The following GCNT3 variants were observed in gnomAD, a reference collection of about 807,000 sequenced individuals.
GCNT3 encodes the protein beta-1,3-galactosyl-O-glycosyl-glycoprotein beta-1,6-N-acetylglucosaminyltransferase 3.
For missense variants in GCNT3, 708 were observed against 530.3 expected (o/e 1.34, Z -3.29); for synonymous variants, 269 against 195.2 (o/e 1.38, Z -3.15).
Position 59,621,586 on chromosome 15 carries a change from A to ATGTTTTTTTT in GCNT3, c.*2032_*2033insGTTTTTTTTT. 1 of 90,846 alleles carries ATGTTTTTTTT rather than the reference A, an allele frequency of 1.1e-5. No homozygotes were observed. Among genetic ancestry groups the ATGTTTTTTTT allele is most frequent in the Non-Finnish European group, 2.0e-5 (1 of 50,212 alleles). 5.6% of individuals were successfully genotyped at this position (90,846 alleles called of 1,614,324 possible). A position where few individuals can be genotyped will look rare whatever the true frequency, so the allele number is the denominator to read the frequency against. On this transcript the variant is annotated 3_prime_UTR_variant, in exon 3 of 3. Transcript: ENST00000396065. ...TCATTAATATGTTTCTTCCTTTCTG[A>ATGTTTTTTTT]TTTTTGTTTTTTTTTTTTTTTTTGA...
chr15:59,614,738 C>G (rs187565676), intron 1 of GCNT3, among the ~76,000 whole-genome samples: 259 of 152,248 alleles, frequency 1.7e-3, no homozygotes, highest in Middle Eastern at 6.8e-3. Flanking sequence ...TTGGGCCTAT[C>G]TCCTCTATCT....
rs1890923041 is a variant in GCNT3 at position 59,621,118 on chromosome 15, C to G, written c.*1563C>G. 6.6e-6 allele frequency: 1 copy of G among 151,592 alleles called. No individual in the cohort carries two copies. The highest frequency in any genetic ancestry group is 6.6e-5 in the Admixed American group (1 of 15,226). 9.4% of individuals were successfully genotyped at this position (151,592 alleles called of 1,614,324 possible). ...CAGGTTGGTCTCAAACTCCTGGCCT[C>G]AAGTGATCCACCTGCCCCAGCCTCC... On this transcript the variant is annotated 3_prime_UTR_variant, in exon 3 of 3. Transcript: ENST00000396065.
rs760266071 is a variant in GCNT3 at position 59,619,044 on chromosome 15, T to A, written c.806T>A (p.Phe269Tyr). The change falls in exon 3 of 3, where the codon TTT becomes TAT. Residue 269 changes from phenylalanine to tyrosine, a missense_variant. Coordinates refer to ENST00000396065, the MANE Select transcript of GCNT3 (RefSeq NM_004751.3). ...AAAGAAACCCGCTGGAAATATCACTTTGAGGTAGTGAGAGACACATTACAC... is the reference window on the plus strand; with the variant it reads ...AAAGAAACCCGCTGGAAATATCACTATGAGGTAGTGAGAGACACATTACAC... Reference protein sequence around the residue: ...KHKETRWKYHFEVVRDTLHLT... With the variant: ...KHKETRWKYHYEVVRDTLHLT... 1.6e-5 allele frequency: 26 copies of A among 1,614,036 alleles called. No homozygotes were observed. Among genetic ancestry groups the A allele is most frequent in the Non-Finnish European group, 2.1e-5 (25 of 1,179,974 alleles).
chr15:59,617,111 T>C (rs2082722822), intron 2 of GCNT3, among the ~76,000 whole-genome samples: 1 of 151,600 alleles, frequency 6.6e-6, no homozygotes, highest in African/African-American at 2.4e-5. Context: ...TTCTTTTTTT[T>C]CCATATTCAT....
chr15:59,614,555 A>AT (rs1374821463), intron 1 of GCNT3, among the ~76,000 whole-genome samples: 1 of 152,194 alleles, frequency 6.6e-6, no homozygotes, highest in Non-Finnish European at 1.5e-5. Context: ...TTTAGATCAA[A>AT]TAGGGTATCT....
At chr15:59,614,458 G>A (rs2082710690) in intron 1 of GCNT3, among the ~76,000 whole-genome samples, 1 of 151,406 alleles carries the variant, frequency 6.6e-6, no homozygotes, top group African/African-American at 2.5e-5. Flanking sequence ...AGACATAGCA[G>A]CCCTGAGGGG....
Position 59,619,213 on chromosome 15 carries a change from T to C in GCNT3, c.975T>C (p.Thr325=). The C allele has an allele frequency of 6.2e-7, 1 of 1,614,024 alleles. No individual in the cohort carries two copies. The highest frequency in any genetic ancestry group is 8.5e-7 in the Non-Finnish European group (1 of 1,179,968). The part of the protein sequence containing the change: ...SQQLIEWVKD[T]YSPDEHLWAT... Reference sequence around the variant, plus strand: ...AACTGATTGAATGGGTAAAAGACACTTATAGCCCAGATGAACACCTCTGGG... The same window carrying C: ...AACTGATTGAATGGGTAAAAGACACCTATAGCCCAGATGAACACCTCTGGG... Residue 325 remains threonine, a synonymous_variant, in exon 3 of 3, where the codon ACT becomes ACC. Transcript: ENST00000396065.
At chr15:59,616,446 G>A (rs2082720098) in intron 1 of GCNT3, 1 of 152,232 alleles carries the variant, frequency 6.6e-6, no homozygotes, top group South Asian at 2.1e-4. Context: ...AGGCTTTCAA[G>A]TTCTTGCGTG....
In GCNT3 at chr15:59,614,690, C is replaced by T. The variant is rs182890789; in HGVS notation, c.-250-2002C>T. Among the ~76,000 whole-genome samples, 106 of 152,320 alleles carry T rather than the reference C, an allele frequency of 7.0e-4. No homozygotes were observed. The Middle Eastern group carries it at 0.01, about 15-fold the overall frequency. On this transcript the variant is annotated intron_variant, in intron 1 of 2. Coordinates refer to ENST00000396065, the MANE Select transcript of GCNT3 (RefSeq NM_004751.3). ...TGGGTTTTAGCTGGCTTCTTTACTA[C>T]AATCTGTTTTATCAGCAAGATTGTT...
At chr15:59,614,280 A>T (rs2082709768) in intron 1 of GCNT3, among the ~76,000 whole-genome samples, 1 of 152,192 alleles carries the variant, frequency 6.6e-6, no homozygotes. Flanking sequence ...CAGCCTGTGG[A>T]GCAGGGCCCA....
In GCNT3 at chr15:59,619,370, C is replaced by A. The variant is rs756078977; in HGVS notation, c.1132C>A (p.Pro378Thr). Residue 378 changes from proline to threonine, a missense_variant, in exon 3 of 3, where the codon CCT (proline) becomes ACT (threonine). Physicochemically the swap from Pro to Thr is conservative, Grantham distance 38. Transcript: ENST00000396065. ...TGAGGGAGACATCGATAAGGGTGCT[C>A]CTTATGCTCCCTGCTCTGGAATCCA... ...GHEGDIDKGA[P>T]YAPCSGIHQR... 1 of 1,613,984 alleles carries A rather than the reference C, an allele frequency of 6.2e-7. No homozygotes were observed. The highest frequency in any genetic ancestry group is 2.2e-5 in the East Asian group (1 of 44,880).
In GCNT3 at chr15:59,618,282, C is replaced by T. The variant is rs753528767; in HGVS notation, c.44C>T (p.Ala15Val). The T allele has an allele frequency of 1.0e-5, 16 of 1,604,126 alleles. No individual in the cohort carries two copies. The highest frequency in any genetic ancestry group is 1.4e-5 in the Non-Finnish European group (16 of 1,175,262). The stretch of plus-strand genomic sequence containing the variant: ...CTCTGCCAGCTGCATTACTTGTGGG[C>T]TCTGGGCTGCTATATGCTGCTGGCC... The part of the protein sequence containing the change: ...KRLCQLHYLW[A>V]LGCYMLLATV... Residue 15 changes from alanine to valine, a missense_variant, in exon 3 of 3, where the codon GCT (alanine) becomes GTT (valine). Physicochemically the swap from Ala to Val is moderately conservative, Grantham distance 64. Transcript: ENST00000396065.
Position 59,618,297 on chromosome 15 carries a change from T to C in GCNT3, c.59T>C (p.Met20Thr). ...TACTTGTGGGCTCTGGGCTGCTATA[T>C]GCTGCTGGCCACTGTGGCTCTGAAA... ...LHYLWALGCY[M>T]LLATVALKLS... Residue 20 changes from methionine to threonine, a missense_variant, in exon 3 of 3, where the codon ATG becomes ACG. Physicochemically the swap from Met to Thr is moderately conservative, Grantham distance 81 (BLOSUM62 -1). Transcript: ENST00000396065. The C allele has an allele frequency of 6.2e-7, 1 of 1,612,270 alleles. No homozygotes were observed. The highest frequency in any genetic ancestry group is 8.5e-7 in the Non-Finnish European group (1 of 1,179,382).
chr15:59,618,259 C>A lies in GCNT3; in HGVS notation c.21C>A (p.Leu7=). The part of the protein sequence containing the change: MVQWKR[L]CQLHYLWALG... ...TGACGATGGTTCAATGGAAGAGACT[C>A]TGCCAGCTGCATTACTTGTGGGCTC... Residue 7 remains leucine, a synonymous_variant, in exon 3 of 3, where the codon CTC becomes CTA. Coordinates refer to ENST00000396065, the MANE Select transcript of GCNT3 (RefSeq NM_004751.3). 1 of 1,581,942 alleles carries A rather than the reference C, an allele frequency of 6.3e-7. No homozygotes were observed. The highest frequency in any genetic ancestry group is 8.6e-7 in the Non-Finnish European group (1 of 1,163,702).
rs373439386 is a variant in GCNT3 at position 59,617,170 on chromosome 15, C to CTTTTTTTTTTTTTTTTTTTTTTTTTTTT, written c.-61+292_-61+293insTTTTTTTTTTTTTTTTTTTTTTTTTTTT. 8.5e-5 allele frequency among the ~76,000 whole-genome samples: 7 copies of CTTTTTTTTTTTTTTTTTTTTTTTTTTTT among 82,392 alleles called. 2 individuals carry two copies. Among genetic ancestry groups the CTTTTTTTTTTTTTTTTTTTTTTTTTTTT allele is most frequent in the African/African-American group, 2.3e-4 (5 of 21,620 alleles). 54.1% of individuals were successfully genotyped at this position (82,392 alleles called of 152,430 possible). ...TTTTTCTTTATTTTTCTTTTGTTTT[C>CTTTTTTTTTTTTTTTTTTTTTTTTTTTT]TTTCTTTCTTTTTTTTTTTTTAAAG... is the stretch of plus-strand genomic sequence containing the variant. On this transcript the variant is annotated intron_variant, in intron 2 of 2. Transcript: ENST00000396065.
Position 59,619,204 on chromosome 15 carries a change from A to C in GCNT3, c.966A>C (p.Val322=). Residue 322 remains valine, a synonymous_variant, in exon 3 of 3, where the codon GTA becomes GTC. Coordinates refer to ENST00000396065, the MANE Select transcript of GCNT3 (RefSeq NM_004751.3). ...NPKSQQLIEW[V]KDTYSPDEHL... is the part of the protein sequence containing the mutation. The stretch of plus-strand genomic sequence containing the variant: ...AATCCCAACAACTGATTGAATGGGT[A>C]AAAGACACTTATAGCCCAGATGAAC... 1.9e-6 allele frequency: 3 copies of C among 1,614,052 alleles called. No homozygotes were observed. The highest frequency in any genetic ancestry group is 1.7e-6 in the Non-Finnish European group (2 of 1,179,962).
At position 59,616,755 on chromosome 15, in the gene GCNT3, G is replaced by C. The variant is rs1237549786; in HGVS notation, c.-187G>C. 6.6e-6 allele frequency: 1 copy of C among 152,212 alleles called. No homozygotes were observed. The highest frequency in any genetic ancestry group is 2.1e-4 in the South Asian group (1 of 4,832). The allele number at this position is 152,212 out of a possible 1,614,324, so 9.4% of individuals were successfully genotyped here. On this transcript the variant is annotated 5_prime_UTR_variant, in exon 2 of 3. Coordinates refer to ENST00000396065, the MANE Select transcript of GCNT3 (RefSeq NM_004751.3). ...TATGAATGTCAGAAAATACCTTTTG[G>C]AGGGTTAGAAGATCAGGGGACATGG...
intron 2 of GCNT3, among the ~76,000 whole-genome samples, chr15:59,617,168 T>A (rs1350074651): frequency 7.0e-6 from 1 of 142,222 alleles, no homozygotes; most frequent in Non-Finnish European, 1.5e-5. Context: ...TTCTTTTGTT[T>A]TCTTTCTTTC....
rs748810481 is a variant in GCNT3, at chr15:59,619,377, C to T, written c.1139C>T (p.Ala380Val). Residue 380 changes from alanine to valine, a missense_variant, in exon 3 of 3, where the codon GCT becomes GTT. Ala to Val is a moderately conservative substitution (Grantham distance 64). Coordinates refer to ENST00000396065, the MANE Select transcript of GCNT3 (RefSeq NM_004751.3). Reference sequence around the variant, plus strand: ...GACATCGATAAGGGTGCTCCTTATGCTCCCTGCTCTGGAATCCACCAGCGG... The same window carrying T: ...GACATCGATAAGGGTGCTCCTTATGTTCCCTGCTCTGGAATCCACCAGCGG... ...EGDIDKGAPY[A>V]PCSGIHQRAI... 5.0e-6 allele frequency: 8 copies of T among 1,614,144 alleles called. No individual in the cohort carries two copies. Among genetic ancestry groups the T allele is most frequent in the Admixed American group, 3.3e-5 (2 of 60,012 alleles).
Sources: allele counts gnomAD v4.1 joint callset (sites outside exome capture counted in the v4.1 genomes callset), GRCh38; gene constraint gnomAD v4.1.1; transcripts MANE v1.5; gene names NCBI Gene and HGNC (gene_info 2026-07-23, HGNC 2026-07-21).